The following ULK4 variants were observed in gnomAD, a reference collection of about 807,000 sequenced individuals.
The protein encoded by ULK4 is unc-51 like kinase 4, also known as inactive serine/threonine-protein kinase ULK4.
Under a neutral mutation model 160.6 loss-of-function variants are expected in ULK4, and 133 were observed. That is an observed-to-expected ratio of 0.83 (90% confidence interval 0.72 to 0.96). The LOEUF is 0.96. Ranked by LOEUF, ULK4 falls within the 40% of genes least tolerant of loss-of-function variation. The probability of loss-of-function intolerance (pLI) is 0.00; values close to 1 mark genes in which losing one functional copy is unlikely to be tolerated. For missense variants in ULK4, 1,580 were observed against 1,499.5 expected (o/e 1.05, Z -0.89); for synonymous variants, 534 against 539.8 (o/e 0.99, Z 0.15).
Position 41,932,150 on chromosome 3 carries a change from T to A in ULK4, c.379-144A>T, listed in dbSNP as rs184670892. On this transcript the variant is annotated intron_variant, in intron 4 of 36. Transcript: ENST00000301831. ...GAAAAATAAATGCTTATAATTTTTTTAAAAGCTAAAGAAAAATAAATCCAA... is the reference window on the plus strand; with the variant it reads ...GAAAAATAAATGCTTATAATTTTTTAAAAAGCTAAAGAAAAATAAATCCAA... The A allele has an allele frequency of 9.1e-3, 6,293 of 690,774 alleles. 43 individuals carry two copies. The highest frequency in any genetic ancestry group is 0.01 in the Non-Finnish European group (4,813 of 458,412). 42.8% of individuals were successfully genotyped at this position (690,774 alleles called of 1,614,324 possible).
chr3:41,637,983 A>G (rs941555960), intron 30 of ULK4, among the ~76,000 whole-genome samples: 4 of 152,092 alleles, frequency 2.6e-5, no homozygotes, highest in African/African-American at 9.7e-5. Context: ...CCCATTCTGT[A>G]AGTTGTCTCT....
chr3:41,848,730 G>A (rs913884019), intron 17 of ULK4, among the ~76,000 whole-genome samples: 21 of 152,120 alleles, frequency 1.4e-4, no homozygotes, highest in African/African-American at 5.1e-4. Context: ...AAACCCTCAG[G>A]AGCTGCCAGG....
At chr3:41,635,966 T>C (rs1328784135) in intron 30 of ULK4, among the ~76,000 whole-genome samples, 1 of 152,244 alleles carries the variant, frequency 6.6e-6, no homozygotes, top group African/African-American at 2.4e-5. Flanking sequence ...GTCATTTATT[T>C]AACTAGTCCT....
At chr3:41,557,939 A>C (rs7620745) in intron 32 of ULK4, among the ~76,000 whole-genome samples, 30 of 152,248 alleles carry the variant, frequency 2.0e-4, no homozygotes, top group African/African-American at 7.0e-4. Flanking sequence ...TCTGAAGAAC[A>C]TAAAAATTTC....
intron 35 of ULK4, among the ~76,000 whole-genome samples, chr3:41,307,690 C>G (rs1281673846): frequency 6.6e-6 from 1 of 151,962 alleles, no homozygotes; most frequent in Non-Finnish European, 1.5e-5. Context: ...TTCAGCTGGG[C>G]GTGGTTGCAA....
chr3:41,927,283 A>G (rs767532670), intron 5 of ULK4, among the ~76,000 whole-genome samples: 6 of 152,244 alleles, frequency 3.9e-5, no homozygotes, highest in Non-Finnish European at 8.8e-5. Flanking sequence ...AATCCTTTAC[A>G]GAAAAACAAA....
chr3:41,548,819 C>T (rs1200342066), intron 32 of ULK4, among the ~76,000 whole-genome samples: 1 of 152,128 alleles, frequency 6.6e-6, no homozygotes, highest in Non-Finnish European at 1.5e-5. Context: ...GCCACCACCA[C>T]CAGTCTGGCC....
At chr3:41,677,608 G>A (rs1372512498) in intron 29 of ULK4, among the ~76,000 whole-genome samples, 1 of 152,154 alleles carries the variant, frequency 6.6e-6, no homozygotes, top group Non-Finnish European at 1.5e-5. Context: ...TGGGATTACA[G>A]GTGAGAGCCA....
At chr3:41,410,427 T>G (rs1393198323) in intron 34 of ULK4, among the ~76,000 whole-genome samples, 2 of 152,138 alleles carry the variant, frequency 1.3e-5, no homozygotes, top group African/African-American at 4.8e-5. Flanking sequence ...AAAAATCAAA[T>G]TATATATTTC....
chr3:41,492,008 T>C (rs2084790589), intron 32 of ULK4, among the ~76,000 whole-genome samples: 2 of 152,084 alleles, frequency 1.3e-5, no homozygotes. Context: ...TGCAATAGTT[T>C]ACTGAGAATG....
chr3:41,849,419 T>C (rs1415315828), intron 17 of ULK4, among the ~76,000 whole-genome samples: 1 of 152,018 alleles, frequency 6.6e-6, no homozygotes, highest in East Asian at 1.9e-4. Flanking sequence ...CCACAGACTG[T>C]ATACAACATT....
intron 35 of ULK4, among the ~76,000 whole-genome samples, chr3:41,310,673 G>A (rs2125719699): frequency 6.6e-6 from 1 of 152,292 alleles, no homozygotes; most frequent in Middle Eastern, 3.4e-3. Context: ...GAGAAAGGCT[G>A]AAAGTAAGAG....
chr3:41,804,141 G>A (rs533044486), intron 19 of ULK4, among the ~76,000 whole-genome samples: 1 of 151,758 alleles, frequency 6.6e-6, no homozygotes, highest in Admixed American at 6.5e-5. Flanking sequence ...ATCCTCTCCA[G>A]CACCTGTTGT....
chr3:41,935,209 A>ATTTTTTTTTTTT (rs10524611), intron 4 of ULK4, among the ~76,000 whole-genome samples: 10 of 135,614 alleles, frequency 7.4e-5, no homozygotes, highest in African/African-American at 3.3e-4. Flanking sequence ...TTATTTATTT[A>ATTTTTTTTTTTT]TTTTTTTTTT....
At chr3:41,449,066 C>A (rs989300663) in intron 34 of ULK4, among the ~76,000 whole-genome samples, 1 of 152,016 alleles carries the variant, frequency 6.6e-6, no homozygotes, top group Admixed American at 6.5e-5. Flanking sequence ...TACAGGCATG[C>A]GCCACCATGC....
At chr3:41,900,576 C>T in intron 13 of ULK4, 149 bp downstream of exon 13, 1 of 625,854 alleles carries the variant, frequency 1.6e-6, no homozygotes, top group Non-Finnish European at 2.7e-6. Context: ...GGGGGAGCTG[C>T]AAATGCAGAC....
chr3:41,431,511 T>C (rs1204392823), intron 34 of ULK4, among the ~76,000 whole-genome samples: 1 of 149,578 alleles, frequency 6.7e-6, no homozygotes, highest in Non-Finnish European at 1.5e-5. Flanking sequence ...TCTTTTAGCC[T>C]TCTCAACAAT....
At chr3:41,947,961 C>G (rs977540126) in intron 2 of ULK4, among the ~76,000 whole-genome samples, 20 of 152,152 alleles carry the variant, frequency 1.3e-4, no homozygotes, top group Non-Finnish European at 2.4e-4. Flanking sequence ...ATAAGGCAAA[C>G]AGAAAACAGT....
At chr3:41,888,240 T>C (rs909639338) in intron 16 of ULK4, among the ~76,000 whole-genome samples, 3 of 152,238 alleles carry the variant, frequency 2.0e-5, no homozygotes, top group African/African-American at 7.2e-5. Flanking sequence ...ATTCTCTGTC[T>C]TTAATGATTG....
Sources: gnomAD v4.1 joint callset for allele counts (sites outside exome capture counted in the v4.1 genomes callset) on GRCh38, gnomAD v4.1.1 for gene constraint, MANE v1.5 for transcripts, NCBI Gene and HGNC (gene_info 2026-07-23, HGNC 2026-07-21) for gene names.